The following PADI4 variants were observed in gnomAD, a reference collection of about 807,000 sequenced individuals.
The protein encoded by PADI4 is peptidyl arginine deiminase 4, also known as protein-arginine deiminase type-4.
PADI4 carries 62 observed loss-of-function variants against 75.0 expected under a neutral mutation model. The ratio of observed to expected loss-of-function variants is 0.83; its 90% confidence interval spans 0.67 to 1.02. The LOEUF (loss-of-function observed/expected upper bound fraction) is 1.02. PADI4 is among the 50% of genes least tolerant of loss of function. The pLI is 0.00. For synonymous variants in PADI4, 361 were observed against 348.1 expected, an observed-to-expected ratio of 1.04 and a Z score of -0.41; for missense variants, 845 against 850.5, an observed-to-expected ratio of 0.99 and a Z score of 0.08.
intron 10 of PADI4, among the ~76,000 whole-genome samples, chr1:17,353,909 G>A (rs2074713293): frequency 6.6e-6 from 1 of 152,144 alleles, no homozygotes; most frequent in Non-Finnish European, 1.5e-5. Context: ...TAAGCCCAGT[G>A]GAACTGATTT....
At chr1:17,357,326 C>A (rs1182699752) in intron 13 of PADI4, among the ~76,000 whole-genome samples, 1 of 152,096 alleles carries the variant, frequency 6.6e-6, no homozygotes. Flanking sequence ...CACCACCACA[C>A]CTGGCTAATG....
At chr1:17,308,745 A>G (rs979327860) in intron 1 of PADI4, among the ~76,000 whole-genome samples, 3 of 138,014 alleles carry the variant, frequency 2.2e-5, no homozygotes, top group African/African-American at 5.3e-5. Context: ...TGGGTGCATA[A>G]TAGCGTGGGT....
Position 17,325,110 on chromosome 1 carries a change from T to C in PADI4, c.93-5859T>C, listed in dbSNP as rs373769154. Among the ~76,000 whole-genome samples the C allele has an allele frequency of 3.2e-4, 48 of 152,350 alleles. 4 individuals are homozygous for C. In the South Asian group the frequency reaches 9.7e-3, roughly 31 times the overall value. ...CAACTTAGTTCCTGGATTTCTCGTG[T>C]AGATTTAAAAATCAACTTGTCAAGT... On this transcript the variant is annotated intron_variant, in intron 1 of 15. Transcript: ENST00000375448.
intron 8 of PADI4, among the ~76,000 whole-genome samples, chr1:17,344,919 T>G (rs2074488755): frequency 6.6e-6 from 1 of 151,820 alleles, no homozygotes; most frequent in African/African-American, 2.4e-5. Context: ...CGTAGTGGAG[T>G]TGTGAGAAGA....
intron 1 of PADI4, among the ~76,000 whole-genome samples, chr1:17,318,866 T>G (rs1271967105): frequency 6.6e-6 from 1 of 152,052 alleles, no homozygotes; most frequent in Non-Finnish European, 1.5e-5. Context: ...TTTTTTGTAT[T>G]TTTAATAGAG....
chr1:17,326,725 T>C (rs1456806740), intron 1 of PADI4, among the ~76,000 whole-genome samples: 1 of 152,178 alleles, frequency 6.6e-6, no homozygotes, highest in Non-Finnish European at 1.5e-5. Context: ...CACAATTCTA[T>C]ATATATCGAC....
At chr1:17,352,365 G>A (rs1220192999) in intron 10 of PADI4, among the ~76,000 whole-genome samples, 1 of 152,092 alleles carries the variant, frequency 6.6e-6, no homozygotes, top group Non-Finnish European at 1.5e-5. Flanking sequence ...TACTGTTAAG[G>A]CTGCTTGTTT....
intron 11 of PADI4, 101 bp downstream of exon 11, chr1:17,354,788 A>T: frequency 9.1e-7 from 1 of 1,095,278 alleles, no homozygotes; most frequent in South Asian, 1.6e-5. Context: ...CCGATTCTAG[A>T]CAGCCCAACA....
intron 1 of PADI4, among the ~76,000 whole-genome samples, chr1:17,316,054 C>G (rs918175780): frequency 2.0e-5 from 3 of 151,950 alleles, no homozygotes; most frequent in Non-Finnish European, 4.4e-5. Flanking sequence ...CTGCCTTTTC[C>G]TCCTCCTGAT....
intron 7 of PADI4, 24 bp downstream of exon 7, chr1:17,342,145 A>C: frequency 6.2e-7 from 1 of 1,608,654 alleles, no homozygotes; most frequent in Non-Finnish European, 8.5e-7. Flanking sequence ...GCAGCCCTGC[A>C]TCGGGGGCCT....
At chr1:17,333,849 CCAGTGCCCTA>C (rs1312695364) in intron 2 of PADI4, 84 bp from the exon 3 acceptor site, 1 of 912,958 alleles carries the variant, frequency 1.1e-6, no homozygotes, top group Non-Finnish European at 1.8e-6. Context: ...CTTTGTCTCC[CCAGTGCCCTA>C]CCCTGAGCCG....
Position 17,331,007 on chromosome 1 carries a change from C to T in PADI4, c.131C>T (p.Ala44Val), listed in dbSNP as rs775636673. ...GACTGCACGTCCTTCAGCATCAACG[C>T]CTCCCCAGGGGTGGTCGTGGATATT... ...PEDCTSFSIN[A>V]SPGVVVDIAH... The change falls in exon 2 of 16, where the codon GCC (alanine) becomes GTC (valine). Residue 44 changes from alanine to valine, a missense_variant. Transcript: ENST00000375448. 1.9e-6 allele frequency: 3 copies of T among 1,595,794 alleles called. No individual in the cohort carries two copies. The African/African-American group carries it at 4.1e-5, about 22-fold the overall frequency.
chr1:17,358,545 A>G lies in PADI4; in HGVS notation c.1559-293A>G, dbSNP rs12568975. Among the ~76,000 whole-genome samples, 18 of 18,856 alleles carry G rather than the reference A, an allele frequency of 9.5e-4. 7 individuals carry two copies. In the East Asian group the frequency reaches 0.034, roughly 36 times the overall value. The allele number at this position is 18,856 out of a possible 152,430, so 12.4% of individuals were successfully genotyped here. A position where few individuals can be genotyped will look rare whatever the true frequency, so the allele number is the denominator to read the frequency against. On this transcript the variant is annotated intron_variant, in intron 13 of 15. Transcript: ENST00000375448. ...ATTGCGCCACTGCACTCCAGCCTGG[A>G]CGACAGCGAGACTCCGTCTCAAAAA... is the stretch of plus-strand genomic sequence containing the variant.
At chr1:17,362,053 A>G (rs2074855044) in intron 15 of PADI4, among the ~76,000 whole-genome samples, 1 of 152,088 alleles carries the variant, frequency 6.6e-6, no homozygotes, top group Non-Finnish European at 1.5e-5. Flanking sequence ...GGGGAGGAGA[A>G]CGTAGTGTTA....
intron 14 of PADI4, 32 bp from the exon 15 acceptor site, chr1:17,359,248 C>G: frequency 3.1e-6 from 2 of 653,776 alleles, no homozygotes; most frequent in Non-Finnish European, 5.0e-6. Context: ...TGCCATCAGT[C>G]CCCCACTCAC....
chr1:17,340,050 GCGCACACACACA>G (rs762090665), intron 6 of PADI4, among the ~76,000 whole-genome samples: 25 of 148,734 alleles, frequency 1.7e-4, no homozygotes, highest in African/African-American at 5.4e-4. Context: ...ACACACGCGC[GCGCACACACACA>G]CACACACACA....
intron 1 of PADI4, among the ~76,000 whole-genome samples, chr1:17,325,904 A>G (rs776502780): frequency 1.3e-5 from 2 of 152,064 alleles, no homozygotes; most frequent in Non-Finnish European, 2.9e-5. Context: ...GGGTTTTGCC[A>G]CGTTGGCCAG....
chr1:17,336,237 C>T lies in PADI4; in HGVS notation c.408+11C>T. 6.2e-7 allele frequency: 1 copy of T among 1,610,380 alleles called. No individual in the cohort carries two copies. Among genetic ancestry groups the T allele is most frequent in the Non-Finnish European group, 8.5e-7 (1 of 1,176,560 alleles). ...GCTGTGAAAGATCAGGTACCACTCA[C>T]CCAAACGCTCCTTTCCTACTTCTAC... On this transcript the variant is annotated intron_variant, in intron 4 of 15. Transcript: ENST00000375448.
chr1:17,308,386 G>T, intron 1 of PADI4, 72 bp downstream of exon 1: 2 of 1,217,488 alleles, frequency 1.6e-6, no homozygotes, highest in Non-Finnish European at 2.4e-6. Context: ...TACTGACACA[G>T]GAGCATGTGT....
Sources: gnomAD v4.1 joint callset for allele counts (sites outside exome capture counted in the v4.1 genomes callset) on GRCh38, gnomAD v4.1.1 for gene constraint, MANE v1.5 for transcripts, NCBI Gene and HGNC (gene_info 2026-07-23, HGNC 2026-07-21) for gene names.